Variants in CCDC178 observed in about 807,000 individuals in gnomAD.
The protein encoded by CCDC178 is coiled-coil domain containing 178.
Under a neutral mutation model 117.4 loss-of-function variants are expected in CCDC178, and 126 were observed. That is an observed-to-expected ratio of 1.07 (90% confidence interval 0.93 to 1.24). CCDC178 has a LOEUF of 1.24. Ranked by LOEUF, CCDC178 falls within the 50% of genes most tolerant of loss-of-function variation. CCDC178 has a pLI of 0.00. For synonymous variants in CCDC178, 283 were observed against 313.4 expected, an observed-to-expected ratio of 0.90 and a Z score of 1.02; for missense variants, 1,030 against 986.9, an observed-to-expected ratio of 1.04 and a Z score of -0.59.
chr18:33,266,849 G>A (rs1380981540), intron 14 of CCDC178, 67 bp downstream of exon 14: 2 of 1,339,236 alleles, frequency 1.5e-6, no homozygotes, highest in Non-Finnish European at 2.0e-6. Context: ...GACACAAACT[G>A]GAGAGGTTTA....
Position 33,109,527 on chromosome 18 carries a change from T to C in CCDC178, c.2239-16617A>G, listed in dbSNP as rs547151319. 2.0e-5 allele frequency among the ~76,000 whole-genome samples: 3 copies of C among 151,726 alleles called. No individual in the cohort carries two copies. The East Asian group carries it at 5.8e-4, about 30-fold the overall frequency. On this transcript the variant is annotated intron_variant, in intron 20 of 22. Coordinates refer to ENST00000383096, the MANE Select transcript of CCDC178 (RefSeq NM_001105528.4). ...AACTTTATTCTTAAGATACAGCATA[T>C]GTCGTTATAGGGATTAATACATTTT...
chr18:33,086,134 G>A (rs1457953317), intron 21 of CCDC178, among the ~76,000 whole-genome samples: 1 of 151,678 alleles, frequency 6.6e-6, no homozygotes, highest in Non-Finnish European at 1.5e-5. Context: ...TTTAAACATA[G>A]GTTTTAAGTG....
intron 6 of CCDC178, among the ~76,000 whole-genome samples, chr18:33,362,784 T>A (rs1374590640): frequency 6.6e-6 from 1 of 151,934 alleles, no homozygotes; most frequent in East Asian, 1.9e-4. Flanking sequence ...AGGAGTAAAT[T>A]CTTAATGGAT....
At chr18:33,009,093 G>T (rs1011939750) in intron 21 of CCDC178, among the ~76,000 whole-genome samples, 2 of 152,030 alleles carry the variant, frequency 1.3e-5, no homozygotes, top group African/African-American at 4.8e-5. Context: ...CTGGTCATCA[G>T]AAGATCCTAT....
At chr18:33,068,418 C>T (rs1467078776) in intron 21 of CCDC178, among the ~76,000 whole-genome samples, 2 of 152,096 alleles carry the variant, frequency 1.3e-5, no homozygotes, top group Admixed American at 1.3e-4. Context: ...CAAAAATCTT[C>T]AACAAAATAC....
intron 21 of CCDC178, among the ~76,000 whole-genome samples, chr18:32,982,771 G>A (rs2055178973): frequency 6.6e-6 from 1 of 152,132 alleles, no homozygotes. Context: ...GGACAAGTAT[G>A]AAAAGTGTGG....
chr18:33,034,895 A>G (rs2056413959), intron 21 of CCDC178, among the ~76,000 whole-genome samples: 1 of 152,068 alleles, frequency 6.6e-6, no homozygotes. Context: ...TTCAATACGT[A>G]TTATTAAAAT....
chr18:33,274,600 C>G (rs932563536), intron 12 of CCDC178, among the ~76,000 whole-genome samples: 11 of 151,982 alleles, frequency 7.2e-5, no homozygotes, highest in African/African-American at 2.4e-4. Context: ...ACAGACTCTA[C>G]TACATAAAGG....
intron 10 of CCDC178, among the ~76,000 whole-genome samples, chr18:33,329,795 G>A (rs1477381366): frequency 2.6e-5 from 4 of 151,688 alleles, no homozygotes; most frequent in Non-Finnish European, 4.4e-5. Context: ...ACTAGGTAAT[G>A]CTGACATAGA....
chr18:32,969,421 G>T (rs1462604705), intron 22 of CCDC178, among the ~76,000 whole-genome samples: 1 of 151,908 alleles, frequency 6.6e-6, no homozygotes, highest in Non-Finnish European at 1.5e-5. Flanking sequence ...TGCACGCTTG[G>T]ACAGAAATAC....
intron 20 of CCDC178, among the ~76,000 whole-genome samples, chr18:33,113,363 T>A (rs1393629585): frequency 6.6e-6 from 1 of 152,082 alleles, no homozygotes; most frequent in Non-Finnish European, 1.5e-5. Context: ...TGGAAAGAGA[T>A]TTGATGACTT....
chr18:33,241,720 A>G (rs2059490564), intron 15 of CCDC178, among the ~76,000 whole-genome samples: 1 of 151,760 alleles, frequency 6.6e-6, no homozygotes, highest in Non-Finnish European at 1.5e-5. Context: ...ATTGAAGTGG[A>G]TACAAACAAA....
At chr18:33,141,427 T>G (rs1014271361) in intron 20 of CCDC178, among the ~76,000 whole-genome samples, 4 of 151,948 alleles carry the variant, frequency 2.6e-5, no homozygotes, top group African/African-American at 9.7e-5. Flanking sequence ...TTCCTGCAGA[T>G]CAGAAGCAGA....
intron 6 of CCDC178, among the ~76,000 whole-genome samples, chr18:33,360,382 G>A (rs910643974): frequency 6.6e-5 from 10 of 151,236 alleles, no homozygotes; most frequent in South Asian, 2.1e-4. Flanking sequence ...GATACCAATC[G>A]TTGTATATAT....
rs1272208223 is a variant in CCDC178 at position 33,412,102 on chromosome 18, T to C, written c.-14A>G. On this transcript the variant is annotated 5_prime_UTR_variant, in exon 3 of 23. Coordinates refer to ENST00000383096, the MANE Select transcript of CCDC178 (RefSeq NM_001105528.4). The stretch of plus-strand genomic sequence containing the variant: ...GTTTTCAGTCATAGTTATAAGAATA[T>C]TTTAAAACCTAATTAGAAAGAAAAA... 4 of 1,292,462 alleles carry C rather than the reference T, an allele frequency of 3.1e-6. No homozygotes were observed. Among genetic ancestry groups the C allele is most frequent in the Non-Finnish European group, 3.3e-6 (3 of 913,972 alleles). The allele number at this position is 1,292,462 out of a possible 1,614,324, so 80.1% of individuals were successfully genotyped here. A position where few individuals can be genotyped will look rare whatever the true frequency, so the allele number is the denominator to read the frequency against.
At chr18:33,044,933 C>G (rs1338578769) in intron 21 of CCDC178, among the ~76,000 whole-genome samples, 1 of 152,086 alleles carries the variant, frequency 6.6e-6, no homozygotes, top group Non-Finnish European at 1.5e-5. Flanking sequence ...AAGTCAAATA[C>G]AGCATGTTCT....
intron 11 of CCDC178, among the ~76,000 whole-genome samples, chr18:33,322,744 G>T (rs2062529945): frequency 6.6e-6 from 1 of 151,468 alleles, no homozygotes; most frequent in South Asian, 2.1e-4. Flanking sequence ...TTAAGTACAT[G>T]TTGAAATATA....
In CCDC178 at chr18:33,101,257, A is replaced by AATATATTTTAAGAATATATATTCTAAAAT. The variant is rs1338704436; in HGVS notation, c.2239-8376_2239-8348dup. ...ATATTTTAATTTGTTGATATTTTAA[A>AATATATTTTAAGAATATATATTCTAAAAT]ATATATTTTAAGAATATATATTCTA... On this transcript the variant is annotated intron_variant, in intron 20 of 22. Coordinates refer to ENST00000383096, the MANE Select transcript of CCDC178 (RefSeq NM_001105528.4). Among the ~76,000 whole-genome samples the AATATATTTTAAGAATATATATTCTAAAAT allele has an allele frequency of 9.2e-4, 139 of 151,410 alleles. 1 individual carries two copies. The highest frequency in any genetic ancestry group is 2.8e-3 in the African/African-American group (117 of 41,426).
intron 7 of CCDC178, among the ~76,000 whole-genome samples, chr18:33,352,777 AC>A (rs34888949): frequency 6.6e-6 from 1 of 152,116 alleles, no homozygotes; most frequent in African/African-American, 2.4e-5. Flanking sequence ...AGAAAAAAAT[AC>A]CATGTATAAT....
Sources: allele counts gnomAD v4.1 joint callset (sites outside exome capture counted in the v4.1 genomes callset), GRCh38; gene constraint gnomAD v4.1.1; transcripts MANE v1.5; gene names NCBI Gene and HGNC (gene_info 2026-07-23, HGNC 2026-07-21).